The following MDFIC2 variants were observed in gnomAD, a reference collection of about 807,000 sequenced individuals.
The protein encoded by MDFIC2 is myoD family inhibitor domain-containing protein 2.
chr3:70,298,003 A>G (rs1483940373), intron 2 of MDFIC2, among the ~76,000 whole-genome samples: 2 of 152,116 alleles, frequency 1.3e-5, no homozygotes, highest in Admixed American at 1.3e-4. Flanking sequence ...TAAAAATTCT[A>G]AATATAACAA....
intron 2 of MDFIC2, among the ~76,000 whole-genome samples, chr3:70,288,214 C>G (rs1201405014): frequency 7.3e-6 from 1 of 136,194 alleles, no homozygotes; most frequent in Admixed American, 7.5e-5. Context: ...AAATTTCCCT[C>G]TACACACTGC....
At chr3:70,268,511 G>A in intron 2 of MDFIC2, among the ~76,000 whole-genome samples, 1 of 149,888 alleles carries the variant, frequency 6.7e-6, no homozygotes, top group Non-Finnish European at 1.5e-5. Flanking sequence ...CACCAGAATG[G>A]TGCATTTGTT....
intron 2 of MDFIC2, among the ~76,000 whole-genome samples, chr3:70,285,774 A>C (rs953750979): frequency 3.9e-5 from 6 of 151,976 alleles, no homozygotes; most frequent in African/African-American, 1.5e-4. Context: ...ATGGTATCTC[A>C]TTGTGGTTTT....
At chr3:70,249,869 T>C (rs1216892161) in intron 2 of MDFIC2, among the ~76,000 whole-genome samples, 3 of 152,146 alleles carry the variant, frequency 2.0e-5, no homozygotes, top group African/African-American at 7.2e-5. Flanking sequence ...CTTTATTTGC[T>C]AACGTTAATA....
At chr3:70,269,023 G>T (rs961040458) in intron 2 of MDFIC2, among the ~76,000 whole-genome samples, 4 of 151,892 alleles carry the variant, frequency 2.6e-5, no homozygotes, top group East Asian at 1.9e-4. Context: ...AAATAGAAAA[G>T]AATTCTATTG....
At chr3:70,235,824 T>C (rs1466364159) in intron 2 of MDFIC2, among the ~76,000 whole-genome samples, 2 of 152,192 alleles carry the variant, frequency 1.3e-5, no homozygotes, top group Non-Finnish European at 2.9e-5. Flanking sequence ...AATTATAGCA[T>C]TGTTTCAAAG....
At chr3:70,223,204 A>C (rs1375138617) in intron 2 of MDFIC2, among the ~76,000 whole-genome samples, 1 of 152,096 alleles carries the variant, frequency 6.6e-6, no homozygotes, top group Non-Finnish European at 1.5e-5. Flanking sequence ...TTTTTGTCTA[A>C]GTTTTCCCTT....
At position 70,195,380 on chromosome 3, in the gene MDFIC2, C is replaced by G. The variant is rs148336986; in HGVS notation, c.*1546G>C. ...CAAACAGGAATGAAATCAGCATTAA[C>G]CATGGGTGCACTGCACTTCCAGGAG... On this transcript the variant is annotated 3_prime_UTR_variant, in exon 4 of 4. Coordinates refer to ENST00000567252, the MANE Select transcript of MDFIC2 (RefSeq NM_001364677.1). Among the ~76,000 whole-genome samples, 105 of 152,246 alleles carry G rather than the reference C, an allele frequency of 6.9e-4. 4 individuals are homozygous for G. The highest frequency in any genetic ancestry group is 2.3e-3 in the African/African-American group (97 of 41,544).
At chr3:70,296,765 C>T (rs918074075) in intron 2 of MDFIC2, among the ~76,000 whole-genome samples, 5 of 152,016 alleles carry the variant, frequency 3.3e-5, no homozygotes, top group East Asian at 3.9e-4. Context: ...ACTATAAGCC[C>T]GACTATCAGC....
At chr3:70,206,307 A>G (rs952448107) in intron 3 of MDFIC2, among the ~76,000 whole-genome samples, 35 of 152,012 alleles carry the variant, frequency 2.3e-4, no homozygotes, top group Non-Finnish European at 2.2e-4. Context: ...TCATAGCCCC[A>G]TAGCAATAAT....
intron 2 of MDFIC2, among the ~76,000 whole-genome samples, chr3:70,290,925 C>T (rs189654558): frequency 4.6e-5 from 7 of 152,264 alleles, no homozygotes; most frequent in Admixed American, 2.0e-4. Flanking sequence ...GGATGGCGCA[C>T]GGTGCGCGCA....
intron 2 of MDFIC2, among the ~76,000 whole-genome samples, chr3:70,292,610 G>A (rs1419432435): frequency 6.6e-6 from 1 of 151,928 alleles, no homozygotes; most frequent in Non-Finnish European, 1.5e-5. Flanking sequence ...CTTGCTTTTG[G>A]ATGAGTTTTT....
chr3:70,255,027 C>A (rs540699384), intron 2 of MDFIC2, among the ~76,000 whole-genome samples: 1 of 151,800 alleles, frequency 6.6e-6, no homozygotes, highest in Non-Finnish European at 1.5e-5. Context: ...TACAACAATA[C>A]TTTTTGAAAT....
At chr3:70,274,611 A>T (rs1702004218) in intron 2 of MDFIC2, among the ~76,000 whole-genome samples, 2 of 152,152 alleles carry the variant, frequency 1.3e-5, no homozygotes. Context: ...GGGAAACAAC[A>T]CACACTGGGT....
chr3:70,285,628 G>T (rs1403849052), intron 2 of MDFIC2, among the ~76,000 whole-genome samples: 1 of 150,620 alleles, frequency 6.6e-6, no homozygotes, highest in Non-Finnish European at 1.5e-5. Context: ...CTGAGGAATC[G>T]CCACACTGAC....
chr3:70,238,947 C>G (rs1701638938), intron 2 of MDFIC2, among the ~76,000 whole-genome samples: 2 of 152,190 alleles, frequency 1.3e-5, no homozygotes, highest in Admixed American at 1.3e-4. Context: ...TTCTCTAAAT[C>G]TAATTGTTTA....
intron 2 of MDFIC2, among the ~76,000 whole-genome samples, chr3:70,239,764 CTA>C (rs1193823400): frequency 1.3e-5 from 2 of 152,162 alleles, no homozygotes; most frequent in South Asian, 2.1e-4. Context: ...TCATATCGCC[CTA>C]TGTTATGATT....
At chr3:70,308,832 G>A (rs1329153443) in intron 2 of MDFIC2, among the ~76,000 whole-genome samples, 1 of 152,066 alleles carries the variant, frequency 6.6e-6, no homozygotes, top group East Asian at 1.9e-4. Context: ...CCTGTTGCTT[G>A]CATGTTCACT....
At chr3:70,257,090 A>G (rs1057407810) in intron 2 of MDFIC2, among the ~76,000 whole-genome samples, 2 of 152,132 alleles carry the variant, frequency 1.3e-5, no homozygotes, top group Non-Finnish European at 2.9e-5. Context: ...ATGAGAGAGG[A>G]TATTTATATA....
Sources: allele counts gnomAD v4.1 joint callset (sites outside exome capture counted in the v4.1 genomes callset), GRCh38; gene constraint gnomAD v4.1.1; transcripts MANE v1.5; gene names NCBI Gene and HGNC (gene_info 2026-07-23, HGNC 2026-07-21).